The following ZNF850 variants were observed in gnomAD, a reference collection of about 807,000 sequenced individuals.
ZNF850 encodes the protein putative zinc finger protein ENSP00000330994.
In ZNF850, 2 loss-of-function variants were observed where a neutral mutation model predicts 11.9. The observed-to-expected ratio is 0.17, with a 90% CI of 0.07 to 0.53. The LOEUF is 0.53. Ranked by LOEUF, ZNF850 falls within the 20% of genes least tolerant of loss-of-function variation. The pLI is 0.94. For synonymous variants in ZNF850, 381 were observed against 443.0 expected (o/e 0.86, Z 1.76); for missense variants, 1,014 against 1,316.4 (o/e 0.77, Z 3.55).
chr19:36,753,974 C>T (rs1325764017), intron 4 of ZNF850, among the ~76,000 whole-genome samples: 1 of 151,602 alleles, frequency 6.6e-6, no homozygotes, highest in Non-Finnish European at 1.5e-5. Context: ...CAACAGAAGA[C>T]AGGAAAAGTG....
intron 4 of ZNF850, among the ~76,000 whole-genome samples, chr19:36,760,911 A>C (rs1210256361): frequency 6.6e-6 from 1 of 152,122 alleles, no homozygotes; most frequent in African/African-American, 2.4e-5. Flanking sequence ...AAATGTCTGC[A>C]TCAAAGGAAA....
intron 4 of ZNF850, among the ~76,000 whole-genome samples, chr19:36,760,175 G>A (rs1483640547): frequency 1.3e-5 from 2 of 152,196 alleles, no homozygotes; most frequent in Non-Finnish European, 2.9e-5. Flanking sequence ...GCTGGGTGTG[G>A]TGGCTCACGC....
In ZNF850 at chr19:36,750,095, T is replaced by G; in HGVS notation, c.945A>C (p.Gly315=). ...GEKPYHCKQC[G]KSFTVGSTLI... ...GTGTTGAGCCAACAGTAAAAGATTT[T>G]CCACATTGCTTACAATGATAGGGTT... Residue 315 remains glycine, a synonymous_variant, in exon 5 of 5, where the codon GGA becomes GGC. Transcript: ENST00000591344. 6.5e-7 allele frequency: 1 copy of G among 1,538,418 alleles called. No individual in the cohort carries two copies. Among genetic ancestry groups the G allele is most frequent in the Non-Finnish European group, 8.7e-7 (1 of 1,146,916 alleles).
At position 36,745,141 on chromosome 19, in the gene ZNF850, C is replaced by T. The variant is rs1364849806; in HGVS notation, c.*2626G>A. 6.6e-6 allele frequency: 1 copy of T among 151,110 alleles called. No individual in the cohort carries two copies. Among genetic ancestry groups the T allele is most frequent in the African/African-American group, 2.4e-5 (1 of 40,964 alleles). The allele number at this position is 151,110 out of a possible 1,614,324, so 9.4% of individuals were successfully genotyped here. On this transcript the variant is annotated 3_prime_UTR_variant, in exon 5 of 5. Transcript: ENST00000591344. ...CAAAAAAAATCAATTGAGACAAAGC[C>T]TCAATTGATTAACCTTAAAATAACC...
chr19:36,761,458 A>G (rs1235843600), intron 4 of ZNF850, among the ~76,000 whole-genome samples, 185 bp downstream of exon 4: 3 of 152,000 alleles, frequency 2.0e-5, no homozygotes, highest in Non-Finnish European at 4.4e-5. Context: ...AAATAAATAA[A>G]TAATAAAATT....
In ZNF850 at chr19:36,745,688, AAAAAG is replaced by A. The variant is rs1305496006; in HGVS notation, c.*2074_*2078del. ...AGCAAAACTCCATCTCAAAAAAAAAAAAAAGAAAAAAGAAAAAGAAAGTCCCAGGT... is the reference window on the plus strand; with the variant it reads ...AGCAAAACTCCATCTCAAAAAAAAAAAAAAAAGAAAAAGAAAGTCCCAGGT... On this transcript the variant is annotated 3_prime_UTR_variant, in exon 5 of 5. Coordinates refer to ENST00000591344, the MANE Select transcript of ZNF850 (RefSeq NM_001193552.2). 6.5e-6 allele frequency: 1 copy of A among 153,118 alleles called. No homozygotes were observed. The highest frequency in any genetic ancestry group is 1.5e-5 in the Non-Finnish European group (1 of 68,924). 9.5% of individuals were successfully genotyped at this position (153,118 alleles called of 1,614,324 possible). A position where few individuals can be genotyped will look rare whatever the true frequency, so the allele number is the denominator to read the frequency against.
intron 1 of ZNF850, among the ~76,000 whole-genome samples, chr19:36,771,997 AACT>A (rs2040587668): frequency 6.6e-6 from 1 of 152,070 alleles, no homozygotes; most frequent in African/African-American, 2.4e-5. Context: ...TAGAGCCGCC[AACT>A]CTCTCTCTTT....
rs976217679 is a variant in ZNF850, at chr19:36,747,156, A to AAAAC, written c.*607_*610dup. 6.4e-6 allele frequency: 1 copy of AAAAC among 156,582 alleles called. No homozygotes were observed. Among genetic ancestry groups the AAAAC allele is most frequent in the Admixed American group, 6.5e-5 (1 of 15,438 alleles). The allele number at this position is 156,582 out of a possible 1,614,324, so 9.7% of individuals were successfully genotyped here. On this transcript the variant is annotated 3_prime_UTR_variant, in exon 5 of 5. Coordinates refer to ENST00000591344, the MANE Select transcript of ZNF850 (RefSeq NM_001193552.2). ...ACAGAGCAAGACTCTGTCTCAAAAC[A>AAAAC]AAACAAACAAACAAAAAATACACAA...
At chr19:36,772,585 C>G (rs2040592646) in intron 1 of ZNF850, 140 bp downstream of exon 1, 1 of 153,396 alleles carries the variant, frequency 6.5e-6, no homozygotes, top group South Asian at 2.0e-4. Context: ...CAGTCACAAG[C>G]GCCCACCTGA....
chr19:36,754,534 C>T (rs1436215923), intron 4 of ZNF850, among the ~76,000 whole-genome samples: 1 of 152,004 alleles, frequency 6.6e-6, no homozygotes, highest in Admixed American at 6.6e-5. Flanking sequence ...TAGGCTTCAT[C>T]TTGATTGTGG....
intron 1 of ZNF850, among the ~76,000 whole-genome samples, chr19:36,764,725 CTTTTTTT>C (rs35367899): frequency 4.7e-5 from 6 of 126,836 alleles, no homozygotes; most frequent in African/African-American, 1.2e-4. Context: ...TTTCCTTTCC[CTTTTTTT>C]TTTTTTTTTT....
chr19:36,753,968 A>G (rs118026857), intron 4 of ZNF850, among the ~76,000 whole-genome samples: 1 of 152,052 alleles, frequency 6.6e-6, no homozygotes, highest in Non-Finnish European at 1.5e-5. Context: ...AACAGGCAAC[A>G]GAAGACAGGA....
At position 36,747,954 on chromosome 19, in the gene ZNF850, C is replaced by T. The variant is rs1471390220; in HGVS notation, c.3086G>A (p.Arg1029Gln). The change falls in exon 5 of 5, where the codon CGA (arginine) becomes CAA (glutamine). Residue 1029 changes from arginine (R) to glutamine (Q), a missense_variant. Arg to Gln is a conservative substitution (Grantham distance 43). Transcript: ENST00000591344. ...ATAAGTTTTCTCACCAGTATGGATT[C>T]GTTTATGTTGACTAAGTTGTGAAGG... is the stretch of plus-strand genomic sequence containing the variant. ...RCPSQLSQHKRIHTGEKTYQC... is the reference protein window; with the variant it reads ...RCPSQLSQHKQIHTGEKTYQC... 4.4e-6 allele frequency: 7 copies of T among 1,574,112 alleles called. No homozygotes were observed. Among genetic ancestry groups the T allele is most frequent in the Non-Finnish European group, 6.0e-6 (7 of 1,163,396 alleles).
rs1555812486 is a variant in ZNF850 at position 36,769,276 on chromosome 19, A to AAAAAG, written c.-70+3448_-70+3449insCTTTT. ...AAGACTGTCTCAAAAAAAAAAAAAA[A>AAAAAG]AAAGAAAGAAAGAAAGAAAGAAAGA... On this transcript the variant is annotated intron_variant, in intron 1 of 4. Coordinates refer to ENST00000591344, the MANE Select transcript of ZNF850 (RefSeq NM_001193552.2). Among the ~76,000 whole-genome samples the AAAAAG allele has an allele frequency of 2.3e-3, 255 of 113,204 alleles. 1 individual carries two copies. The highest frequency in any genetic ancestry group is 2.9e-3 in the Non-Finnish European group (174 of 59,382). The allele number at this position is 113,204 out of a possible 152,430, so 74.3% of individuals were successfully genotyped here.
At chr19:36,757,976 T>G (rs1227796624) in intron 4 of ZNF850, among the ~76,000 whole-genome samples, 1 of 152,120 alleles carries the variant, frequency 6.6e-6, no homozygotes, top group African/African-American at 2.4e-5. Context: ...TGTTAGTCAC[T>G]GTGCCTGGCC....
intron 4 of ZNF850, among the ~76,000 whole-genome samples, chr19:36,752,305 A>C (rs1490056049): frequency 4.6e-5 from 7 of 152,208 alleles, no homozygotes; most frequent in Non-Finnish European, 8.8e-5. Context: ...GAAAGTGTGC[A>C]TTATGAGCAT....
At chr19:36,754,680 C>T (rs1197273117) in intron 4 of ZNF850, among the ~76,000 whole-genome samples, 4 of 152,024 alleles carry the variant, frequency 2.6e-5, no homozygotes, top group Non-Finnish European at 5.9e-5. Context: ...CTCAGCCTCC[C>T]AAGTAGCTGG....
In ZNF850 at chr19:36,748,890, A is replaced by G. The variant is rs777297110; in HGVS notation, c.2150T>C (p.Ile717Thr). The G allele has an allele frequency of 1.9e-6, 3 of 1,555,556 alleles. No homozygotes were observed. Among genetic ancestry groups the G allele is most frequent in the Non-Finnish European group, 2.6e-6 (3 of 1,153,322 alleles). ...GKSFTFCSGL[I>T]QHQQNHTDEK... ...ATCAGTGTGATTTTGCTGATGTTGA[A>G]TTAGTCCTGAGCAGAAAGTAAAAGA... The change falls in exon 5 of 5, where the codon ATT becomes ACT. Residue 717 changes from isoleucine (I) to threonine (T), a missense_variant. By Grantham distance (89) the Ile-to-Thr change is moderately conservative. Around this residue, in one of 2 missense-constraint regions of ZNF850, gnomAD observed 835 missense variants for 1,022.0 expected, o/e 0.82. Coordinates refer to ENST00000591344, the MANE Select transcript of ZNF850 (RefSeq NM_001193552.2).
intron 4 of ZNF850, among the ~76,000 whole-genome samples, chr19:36,753,432 A>AAAAAAAAAAAAAAAG (rs1296033614): frequency 6.9e-6 from 1 of 145,464 alleles, no homozygotes; most frequent in Non-Finnish European, 1.5e-5. Flanking sequence ...CAAAAAAAAA[A>AAAAAAAAAAAAAAAG]AAAAAAAAAA....
Sources: allele counts gnomAD v4.1 joint callset (sites outside exome capture counted in the v4.1 genomes callset), GRCh38; gene constraint gnomAD v4.1.1; regional missense constraint gnomAD v4.1.1; transcripts MANE v1.5; gene names NCBI Gene and HGNC (gene_info 2026-07-23, HGNC 2026-07-21).